Variants in C3orf49 observed in about 807,000 individuals in gnomAD.
The protein encoded by C3orf49 is putative uncharacterized protein C3orf49.
C3orf49 carries 27 observed loss-of-function variants against 13.3 expected under a neutral mutation model. That is an observed-to-expected ratio of 2.02 (90% confidence interval 1.49 to 2.79). C3orf49 has a LOEUF of 2.79. C3orf49 is among the 30% of genes most tolerant of loss of function. The pLI is 0.00. For missense variants in C3orf49, 242 were observed against 134.2 expected, an observed-to-expected ratio of 1.80 and a Z score of -3.97; for synonymous variants, 87 against 47.6, an observed-to-expected ratio of 1.83 and a Z score of -3.40.
the C3orf49 span, among the ~76,000 whole-genome samples, chr3:63,810,992 G>T: frequency 6.6e-6 from 1 of 152,064 alleles, no homozygotes; most frequent in Non-Finnish European, 1.5e-5. Flanking sequence ...AATTACAAAT[G>T]TGCACACCAC....
the C3orf49 span, among the ~76,000 whole-genome samples, chr3:63,794,301 C>T: frequency 1.3e-5 from 2 of 152,110 alleles, no homozygotes; most frequent in Admixed American, 1.3e-4. Context: ...ACAAACTGTG[C>T]TTCTGACAGT....
At chr3:63,846,136 C>CCT (rs369898101) in intron 6 of C3orf49, 7 of 412,716 alleles carry the variant, frequency 1.7e-5, no homozygotes, top group South Asian at 3.5e-5. Context: ...ACTCCTACTG[C>CCT]CTCTCTCTCT....
At chr3:63,785,043 C>A in the C3orf49 span, among the ~76,000 whole-genome samples, 1 of 150,168 alleles carries the variant, frequency 6.7e-6, no homozygotes, top group African/African-American at 2.5e-5. Context: ...CCCCTAGTCT[C>A]CACTGGACTT....
chr3:63,839,458 C>A (rs1372659731), intron 5 of C3orf49, among the ~76,000 whole-genome samples: 2 of 152,144 alleles, frequency 1.3e-5, no homozygotes, highest in Admixed American at 1.3e-4. Flanking sequence ...ACCAATCTGC[C>A]TTCTCCATGT....
At chr3:63,789,865 G>T in the C3orf49 span, among the ~76,000 whole-genome samples, 133 of 146,486 alleles carry the variant, frequency 9.1e-4, no homozygotes, top group African/African-American at 3.1e-3. Context: ...GCTTGCCCTT[G>T]AAAGCTTGAG....
chr3:63,793,710 C>T, the C3orf49 span, among the ~76,000 whole-genome samples: 84 of 152,096 alleles, frequency 5.5e-4, no homozygotes, highest in Non-Finnish European at 8.8e-4. Context: ...TATTTTGCTC[C>T]GTCACACTAG....
intron 6 of C3orf49, among the ~76,000 whole-genome samples, chr3:63,846,605 T>G (rs1357655283): frequency 6.6e-6 from 1 of 152,038 alleles, no homozygotes; most frequent in Middle Eastern, 3.2e-3. Flanking sequence ...AGACGTGGTT[T>G]TACCATGTTG....
chr3:63,808,916 C>T, the C3orf49 span, among the ~76,000 whole-genome samples: 2,339 of 152,228 alleles, frequency 0.015, 30 homozygotes, highest in Middle Eastern at 0.058. Flanking sequence ...CCAATTCCGT[C>T]GGTACCTGTG....
chr3:63,811,334 G>A, the C3orf49 span, among the ~76,000 whole-genome samples: 19 of 151,342 alleles, frequency 1.3e-4, no homozygotes, highest in South Asian at 3.6e-3. Flanking sequence ...CGAGGCGAGC[G>A]GATCACGAGG....
intron 5 of C3orf49, among the ~76,000 whole-genome samples, chr3:63,844,641 TAGTAATCTCGG>T (rs1433157052): frequency 6.6e-6 from 1 of 152,182 alleles, no homozygotes; most frequent in Non-Finnish European, 1.5e-5. Flanking sequence ...GGAAATAGGT[TAGTAATCTCGG>T]AGTGAGCTCC....
chr3:63,835,686 G>A (rs978631496), intron 5 of C3orf49, among the ~76,000 whole-genome samples: 3 of 152,086 alleles, frequency 2.0e-5, no homozygotes, highest in South Asian at 2.1e-4. Context: ...GTTTAACTTC[G>A]AGGGTTTTTT....
rs1292309551 is a variant in C3orf49 at position 63,819,485 on chromosome 3, A to G, written c.14A>G (p.Gln5Arg). The change falls in exon 1 of 7, where the codon CAG becomes CGG. Residue 5 changes from glutamine (Q) to arginine (R), a missense_variant. By Grantham distance (43) the Gln-to-Arg change is conservative. Transcript: ENST00000295896. ...AAGTTGAGAGCAATGGCCCAACCTC[A>G]GCTGTATCTACCAGAACCCTTTAAG... MAQP[Q>R]LYLPEPFKIA... 3 of 702,858 alleles carry G rather than the reference A, an allele frequency of 4.3e-6. No homozygotes were observed. Among genetic ancestry groups the G allele is most frequent in the African/African-American group, 1.7e-5 (1 of 57,266 alleles). 43.5% of individuals were successfully genotyped at this position (702,858 alleles called of 1,614,324 possible). A position where few individuals can be genotyped will look rare whatever the true frequency, so the allele number is the denominator to read the frequency against.
intron 5 of C3orf49, chr3:63,836,297 T>C: frequency 6.2e-7 from 1 of 1,612,216 alleles, no homozygotes; most frequent in Non-Finnish European, 8.5e-7. Context: ...AGCTCTACAC[T>C]TACTTTAATG....
intron 6 of C3orf49, chr3:63,846,068 C>T: frequency 3.5e-6 from 1 of 285,550 alleles, no homozygotes; most frequent in Admixed American, 4.4e-5. Flanking sequence ...CTGTAAAGAG[C>T]TAATGAAAAG....
At position 63,848,579 on chromosome 3, in the gene C3orf49, C is replaced by T. The variant is rs1036779436; in HGVS notation, c.*246C>T. ...CAACCACCTTCGGCACATCTCAGGA[C>T]CTCCTGATGCTGTGGCATGTCTTTA... On this transcript the variant is annotated 3_prime_UTR_variant, in exon 7 of 7. Coordinates refer to ENST00000295896, the MANE Select transcript of C3orf49 (RefSeq NM_001355236.2). 2.6e-5 allele frequency: 4 copies of T among 152,192 alleles called. No individual in the cohort carries two copies. The highest frequency in any genetic ancestry group is 5.9e-5 in the Non-Finnish European group (4 of 68,046). 9.4% of individuals were successfully genotyped at this position (152,192 alleles called of 1,614,324 possible).
the C3orf49 span, among the ~76,000 whole-genome samples, chr3:63,811,393 T>C: frequency 0.083 from 12,633 of 151,336 alleles, 1,222 homozygotes; most frequent in African/African-American, 0.23. Context: ...CCCATCTATA[T>C]TAAAAATACA....
the C3orf49 span, among the ~76,000 whole-genome samples, chr3:63,812,880 C>T: frequency 2.3e-4 from 35 of 152,216 alleles, no homozygotes; most frequent in African/African-American, 8.0e-4. Flanking sequence ...TATTTCTCCC[C>T]ACCTCTGCTG....
chr3:63,833,928 T>C, intron 5 of C3orf49: 1 of 486,654 alleles, frequency 2.1e-6, no homozygotes, highest in Non-Finnish European at 3.6e-6. Flanking sequence ...CACTTAAGAA[T>C]AAAAAATGCA....
upstream of C3orf49, among the ~76,000 whole-genome samples, chr3:63,817,883 A>G (rs1026578890): frequency 1.1e-4 from 17 of 152,224 alleles, no homozygotes; most frequent in African/African-American, 3.9e-4. Context: ...CATCTAGATA[A>G]TTGATGAAAT....
Sources: gnomAD v4.1 joint callset for allele counts (sites outside exome capture counted in the v4.1 genomes callset) on GRCh38, gnomAD v4.1.1 for gene constraint, MANE v1.5 for transcripts, NCBI Gene and HGNC (gene_info 2026-07-23, HGNC 2026-07-21) for gene names.